The following CASZ1 variants were observed in gnomAD, a reference collection of about 807,000 sequenced individuals.
The protein encoded by CASZ1 is castor zinc finger 1, also known as zinc finger protein castor homolog 1.
Under a neutral mutation model 135.2 loss-of-function variants are expected in CASZ1, and 28 were observed. That is an observed-to-expected ratio of 0.21 (90% CI 0.15 to 0.28). CASZ1 has a LOEUF of 0.28. CASZ1 is among the 10% of genes least tolerant of loss of function. CASZ1 has a pLI of 1.00. For missense variants in CASZ1, 2,161 were observed against 2,453.3 expected, an observed-to-expected ratio of 0.88 and a Z score of 2.52; for synonymous variants, 1,068 against 1,073.4, an observed-to-expected ratio of 0.99 and a Z score of 0.10.
chr1:10,730,534 G>A (rs771444108), intron 2 of CASZ1, among the ~76,000 whole-genome samples: 2 of 152,152 alleles, frequency 1.3e-5, no homozygotes, highest in African/African-American at 4.8e-5. Flanking sequence ...CTGCTCCAGG[G>A]AACACCATCT....
At chr1:10,640,968 C>T (rs747557851) in intron 20 of CASZ1, among the ~76,000 whole-genome samples, 15 of 152,154 alleles carry the variant, frequency 9.9e-5, no homozygotes, top group African/African-American at 2.9e-4. Flanking sequence ...TGGCTCCCCA[C>T]GCCACCCTCC....
At chr1:10,673,501 C>A (rs768426989) in intron 4 of CASZ1, among the ~76,000 whole-genome samples, 2 of 151,982 alleles carry the variant, frequency 1.3e-5, no homozygotes, top group Non-Finnish European at 2.9e-5. Flanking sequence ...GCTCACGCTG[C>A]CTCTCTCCTG....
At chr1:10,658,180 A>T (rs560563699) in intron 7 of CASZ1, 2 of 319,912 alleles carry the variant, frequency 6.3e-6, no homozygotes, top group South Asian at 8.4e-5. Flanking sequence ...CCTGCACCCT[A>T]CTCAAGGCTC....
At position 10,767,828 on chromosome 1, in the gene CASZ1, C is replaced by T. The variant is rs560621716; in HGVS notation, c.-233-6971G>A. Among the ~76,000 whole-genome samples, 4 of 152,320 alleles carry T rather than the reference C, an allele frequency of 2.6e-5. No homozygotes were observed. Among genetic ancestry groups the T allele is most frequent in the Admixed American group, 2.6e-4 (4 of 15,302 alleles). On this transcript the variant is annotated intron_variant, in intron 1 of 20. Transcript: ENST00000377022. This position sits in a 1 kb window ranked among gnomAD's most constrained non-coding sequence, Gnocchi z 4.2. ...CCACTGCCCCGGGGATCACTTCCCT[C>T]GCTGGCCCTGTCCACAGCCCTCGGC... is the stretch of plus-strand genomic sequence containing the variant.
At chr1:10,661,512 CACAT>C (rs1557481342) in intron 5 of CASZ1, 3 of 150,748 alleles carry the variant, frequency 2.0e-5, no homozygotes, top group Non-Finnish European at 4.4e-5. Flanking sequence ...ATACAACACA[CACAT>C]GCATTCTCAA....
intron 2 of CASZ1, among the ~76,000 whole-genome samples, chr1:10,753,281 G>A (rs1235557969): frequency 1.3e-5 from 2 of 152,194 alleles, no homozygotes; most frequent in African/African-American, 2.4e-5. Context: ...GGCAGTGAGG[G>A]GGAGTGGAGG....
intron 2 of CASZ1, among the ~76,000 whole-genome samples, chr1:10,716,449 A>C (rs1639394867): frequency 6.6e-6 from 1 of 152,252 alleles, no homozygotes; most frequent in Non-Finnish European, 1.5e-5. Flanking sequence ...TGGCTTGCTC[A>C]CATCAAAAGA....
At position 10,646,288 on chromosome 1, in the gene CASZ1, T is replaced by G. The variant is rs1194076163; in HGVS notation, c.3536A>C (p.Lys1179Thr). The change falls in exon 17 of 21, where the codon AAG becomes ACG. Residue 1179 changes from lysine to threonine, a missense_variant. By Grantham distance (78) the Lys-to-Thr change is moderately conservative (BLOSUM62 -1). This residue lies in a region of CASZ1 where 349 missense variants were observed against 460.8 expected (regional missense o/e 0.76). Coordinates refer to ENST00000377022, the MANE Select transcript of CASZ1 (RefSeq NM_001079843.3). This position sits in a 1 kb window ranked among gnomAD's most constrained non-coding sequence, Gnocchi z 6.4. ...CCCAAAGAGACAGTGGAAGTGGAAC[T>G]TGTTGGCGTACTTGCAGTCCGTGGC... ...CLATDCKYAN[K>T]FHFHCLFGNC... 6.2e-7 allele frequency: 1 copy of G among 1,614,154 alleles called. No homozygotes were observed. The highest frequency in any genetic ancestry group is 1.1e-5 in the South Asian group (1 of 91,076).
intron 8 of CASZ1, 34 bp downstream of exon 8, chr1:10,656,612 C>A: frequency 6.7e-7 from 1 of 1,493,754 alleles, no homozygotes; most frequent in Non-Finnish European, 9.2e-7. Context: ...GTGCTGGTGG[C>A]GGAGAGGCGG....
intron 2 of CASZ1, among the ~76,000 whole-genome samples, chr1:10,744,282 C>T (rs946548312): frequency 3.7e-5 from 5 of 134,050 alleles, no homozygotes; most frequent in Admixed American, 3.0e-4. Flanking sequence ...GGTCCTGGGG[C>T]GGGAACTTTG....
At chr1:10,661,735 CAT>C (rs1643035574) in intron 5 of CASZ1, among the ~76,000 whole-genome samples, 1 of 151,192 alleles carries the variant, frequency 6.6e-6, no homozygotes. Context: ...ACACACAAAA[CAT>C]ACACATGCAT....
intron 3 of CASZ1, among the ~76,000 whole-genome samples, chr1:10,696,646 C>T (rs1456435993): frequency 2.6e-5 from 4 of 152,250 alleles, no homozygotes; most frequent in Non-Finnish European, 4.4e-5. Flanking sequence ...AGCCTCTGCT[C>T]TCCTATCTGG....
At chr1:10,652,370 G>C (rs1162732658) in intron 11 of CASZ1, 2 of 152,304 alleles carry the variant, frequency 1.3e-5, no homozygotes, top group African/African-American at 4.8e-5. Flanking sequence ...ACGGCGTGGG[G>C]CTCTGTCTGG....
chr1:10,661,448 C>T (rs528688655), intron 5 of CASZ1: 22 of 149,774 alleles, frequency 1.5e-4, no homozygotes, highest in African/African-American at 5.5e-4. Context: ...TGATCCCATA[C>T]AACACACACA....
rs1475936166 is a variant in CASZ1, at chr1:10,679,554, T to A, written c.17-13983A>T. On this transcript the variant is annotated intron_variant, in intron 4 of 20. Transcript: ENST00000377022. The surrounding 1 kb of genome is among the most constrained non-coding windows in gnomAD (Gnocchi z 4.7). ...CCTAGGGCCCCCCGCGGGCCCCTCCTCCCCATACCATAGTCCTGGTTCCCA... is the reference window on the plus strand; with the variant it reads ...CCTAGGGCCCCCCGCGGGCCCCTCCACCCCATACCATAGTCCTGGTTCCCA... Among the ~76,000 whole-genome samples, 4 of 151,938 alleles carry A rather than the reference T, an allele frequency of 2.6e-5. No homozygotes were observed. Among genetic ancestry groups the A allele is most frequent in the African/African-American group, 9.7e-5 (4 of 41,350 alleles).
Position 10,735,325 on chromosome 1 carries a change from G to C in CASZ1, c.-77+25376C>G, listed in dbSNP as rs1462994130. On this transcript the variant is annotated intron_variant, in intron 2 of 20. Transcript: ENST00000377022. The surrounding 1 kb of genome is among the most constrained non-coding windows in gnomAD (Gnocchi z 5.1). ...GACCGGGGCTCTGGGAGAGGGAAAGGTTGAGCCGCCACGGGCCCCAAGCTG... is the reference window on the plus strand; with the variant it reads ...GACCGGGGCTCTGGGAGAGGGAAAGCTTGAGCCGCCACGGGCCCCAAGCTG... Among the ~76,000 whole-genome samples, 1 of 152,190 alleles carries C rather than the reference G, an allele frequency of 6.6e-6. No individual in the cohort carries two copies. Among genetic ancestry groups the C allele is most frequent in the Non-Finnish European group, 1.5e-5 (1 of 68,044 alleles).
At chr1:10,766,475 C>T (rs991094091) in intron 1 of CASZ1, among the ~76,000 whole-genome samples, 1 of 152,200 alleles carries the variant, frequency 6.6e-6, no homozygotes, top group Non-Finnish European at 1.5e-5. Flanking sequence ...GGAAAGTACC[C>T]TCGACCAAGT....
In CASZ1 at chr1:10,719,909, A is replaced by G. The variant is rs1201475515; in HGVS notation, c.-76-14365T>C. 6.6e-6 allele frequency among the ~76,000 whole-genome samples: 1 copy of G among 152,266 alleles called. No individual in the cohort carries two copies. Among genetic ancestry groups the G allele is most frequent in the African/African-American group, 2.4e-5 (1 of 41,476 alleles). ...GAGGCAAATCTTGTCTTCTTGGTGCAGTGAAGAGGCCAGCAGTGCAGAGAT... is the reference window on the plus strand; with the variant it reads ...GAGGCAAATCTTGTCTTCTTGGTGCGGTGAAGAGGCCAGCAGTGCAGAGAT... On this transcript the variant is annotated intron_variant, in intron 2 of 20. Transcript: ENST00000377022. This position sits in a 1 kb window ranked among gnomAD's most constrained non-coding sequence, Gnocchi z 4.0.
chr1:10,716,879 G>A (rs1216969721), intron 2 of CASZ1, among the ~76,000 whole-genome samples: 2 of 152,220 alleles, frequency 1.3e-5, no homozygotes, highest in African/African-American at 4.8e-5. Flanking sequence ...ACATTGTACA[G>A]AGCGGGGGTC....
Sources: gnomAD v4.1 joint callset for allele counts (sites outside exome capture counted in the v4.1 genomes callset) on GRCh38, gnomAD v4.1.1 for gene constraint, gnomAD v4.1.1 regional missense constraint, Gnocchi (gnomAD v3.1) non-coding constraint, MANE v1.5 for transcripts, NCBI Gene and HGNC (gene_info 2026-07-23, HGNC 2026-07-21) for gene names.